The following SMURF1 variants were observed in gnomAD, a reference collection of about 807,000 sequenced individuals.
The protein encoded by SMURF1 is E3 ubiquitin-protein ligase SMURF1.
Under a neutral mutation model 98.0 loss-of-function variants are expected in SMURF1, and 44 were observed. The ratio of observed to expected loss-of-function variants is 0.45; its 90% CI spans 0.35 to 0.58. The LOEUF is 0.58. SMURF1 is among the 20% of genes least tolerant of loss of function. The probability of loss-of-function intolerance (pLI) is 0.00; values close to 1 mark genes in which losing one functional copy is unlikely to be tolerated. For missense variants in SMURF1, 687 were observed against 938.4 expected, an observed-to-expected ratio of 0.73 and a Z score of 3.50; for synonymous variants, 396 against 374.9, an observed-to-expected ratio of 1.06 and a Z score of -0.65.
At chr7:99,052,656 G>C (rs1795788171) in intron 6 of SMURF1, among the ~76,000 whole-genome samples, 1 of 152,216 alleles carries the variant, frequency 6.6e-6, no homozygotes, top group African/African-American at 2.4e-5. Flanking sequence ...CAGGTGGCCG[G>C]AGTGTCCCCA....
chr7:99,088,605 G>A (rs1796734402), intron 1 of SMURF1, among the ~76,000 whole-genome samples: 1 of 152,014 alleles, frequency 6.6e-6, no homozygotes, highest in African/African-American at 2.4e-5. Context: ...CACTGACACA[G>A]AGAATCAAAT....
chr7:99,142,173 G>T (rs73147632), intron 1 of SMURF1, among the ~76,000 whole-genome samples: 6,707 of 152,246 alleles, frequency 0.044, 180 homozygotes, highest in Middle Eastern at 0.068. Context: ...AGAGCGTTGC[G>T]CTCACCCTTG....
rs1004857472 is a variant in SMURF1, at chr7:99,027,538, C to G, written c.*3046G>C. On this transcript the variant is annotated 3_prime_UTR_variant, in exon 18 of 18. Transcript: ENST00000361368. ...GTTTGTTTTGTGTTTCCAGCTGGTTCCATAACCACATTAAATAGAACTAGT... is the reference window on the plus strand; with the variant it reads ...GTTTGTTTTGTGTTTCCAGCTGGTTGCATAACCACATTAAATAGAACTAGT... 9.2e-5 allele frequency: 14 copies of G among 152,572 alleles called. No individual in the cohort carries two copies. Among genetic ancestry groups the G allele is most frequent in the African/African-American group, 2.9e-4 (12 of 41,416 alleles). 9.5% of individuals were successfully genotyped at this position (152,572 alleles called of 1,614,324 possible). A position where few individuals can be genotyped will look rare whatever the true frequency, so the allele number is the denominator to read the frequency against.
intron 10 of SMURF1, 29 bp downstream of exon 10, chr7:99,047,655 G>C: frequency 6.2e-7 from 1 of 1,611,150 alleles, no homozygotes; most frequent in Non-Finnish European, 8.5e-7. Flanking sequence ...TTCTGAACAG[G>C]GTCTGGGCAG....
At chr7:99,131,939 G>A (rs889353356) in intron 1 of SMURF1, among the ~76,000 whole-genome samples, 1 of 152,092 alleles carries the variant, frequency 6.6e-6, no homozygotes, top group South Asian at 2.1e-4. Flanking sequence ...AGATGCAACC[G>A]CAAAGCTTGG....
intron 1 of SMURF1, among the ~76,000 whole-genome samples, chr7:99,127,397 G>T (rs1488499955): frequency 6.6e-6 from 1 of 152,052 alleles, no homozygotes; most frequent in Non-Finnish European, 1.5e-5. Flanking sequence ...GAATACCATG[G>T]TAAGAAAAGC....
chr7:99,143,092 C>A, intron 1 of SMURF1, among the ~76,000 whole-genome samples: 1 of 130,152 alleles, frequency 7.7e-6, no homozygotes, highest in Non-Finnish European at 1.6e-5. Context: ...CAGAGAGAAG[C>A]GAGGGAGCTG....
chr7:99,063,287 A>ATAAGATT (rs1796107626), intron 1 of SMURF1, among the ~76,000 whole-genome samples: 1 of 23,588 alleles, frequency 4.2e-5, no homozygotes, highest in Non-Finnish European at 1.1e-4. Flanking sequence ...ATATATATAT[A>ATAAGATT]TATATATATA....
At chr7:99,105,169 A>G (rs1797168149) in intron 1 of SMURF1, among the ~76,000 whole-genome samples, 1 of 152,230 alleles carries the variant, frequency 6.6e-6, no homozygotes, top group South Asian at 2.1e-4. Context: ...AACCTTCACA[A>G]TCTGCCACAT....
chr7:99,077,425 C>T (rs1036730970), intron 1 of SMURF1, among the ~76,000 whole-genome samples: 4 of 151,512 alleles, frequency 2.6e-5, no homozygotes, highest in East Asian at 1.9e-4. Context: ...CTCTGCCTCC[C>T]GGGTTCAAGT....
intron 1 of SMURF1, among the ~76,000 whole-genome samples, chr7:99,126,348 C>CTT (rs765375466): frequency 4.9e-5 from 7 of 142,708 alleles, no homozygotes; most frequent in African/African-American, 1.8e-4. Flanking sequence ...GCATATATTC[C>CTT]TTTTTTTTTT....
Position 99,052,317 on chromosome 7 carries a change from T to A in SMURF1, c.609A>T (p.Gln203His). ...GCCGCTGTGCCTGAAGTCTTTGATC[T>A]TGACTTGGGGACTCCACGAACCTGC... is the stretch of plus-strand genomic sequence containing the variant. Reference protein sequence around the residue: ...GNCRFVESPSQDQRLQAQRLR... With the variant: ...GNCRFVESPSHDQRLQAQRLR... The change falls in exon 7 of 18, where the codon CAA becomes CAT. Residue 203 changes from glutamine to histidine, a missense_variant. By Grantham distance (24) the Gln-to-His change is conservative. This residue lies in a region of SMURF1 where 415 missense variants were observed against 508.4 expected (regional missense o/e 0.82). Transcript: ENST00000361368. The A allele has an allele frequency of 6.2e-7, 1 of 1,613,048 alleles. No homozygotes were observed. The highest frequency in any genetic ancestry group is 8.5e-7 in the Non-Finnish European group (1 of 1,179,550).
chr7:99,090,389 C>T (rs966690387), intron 1 of SMURF1, among the ~76,000 whole-genome samples: 2 of 152,188 alleles, frequency 1.3e-5, no homozygotes, highest in Admixed American at 6.5e-5. Flanking sequence ...CTGCTTACAG[C>T]GATAGCAGGG....
intron 1 of SMURF1, among the ~76,000 whole-genome samples, chr7:99,115,738 T>C (rs1022967815): frequency 2.6e-5 from 4 of 152,138 alleles, no homozygotes; most frequent in Non-Finnish European, 4.4e-5. Flanking sequence ...AAATTAAAAA[T>C]TTTTTAAAGA....
At chr7:99,035,322 G>T (rs554246091) in intron 16 of SMURF1, 193 bp downstream of exon 16, 10 of 707,464 alleles carry the variant, frequency 1.4e-5, no homozygotes, top group Non-Finnish European at 2.3e-5. Context: ...GCTCAGCGGG[G>T]CCCCACACCT....
intron 1 of SMURF1, among the ~76,000 whole-genome samples, chr7:99,063,235 A>ATT (rs1796081223): frequency 9.6e-4 from 18 of 18,712 alleles, no homozygotes; most frequent in Non-Finnish European, 1.9e-3. Flanking sequence ...TATATATAAG[A>ATT]TTTATTTATA....
rs148467901 is a variant in SMURF1, at chr7:99,126,201, T to A, written c.55+17525A>T. On this transcript the variant is annotated intron_variant, in intron 1 of 17. Coordinates refer to ENST00000361368, the MANE Select transcript of SMURF1 (RefSeq NM_181349.3). ...ATGAGAACAGCGAGCATGTATGGCGTTGGTATTTATCTTCCTTTAGAATGA... is the reference window on the plus strand; with the variant it reads ...ATGAGAACAGCGAGCATGTATGGCGATGGTATTTATCTTCCTTTAGAATGA... Among the ~76,000 whole-genome samples, 320 of 152,304 alleles carry A rather than the reference T, an allele frequency of 2.1e-3. 1 individual carries two copies. The highest frequency in any genetic ancestry group is 7.3e-3 in the African/African-American group (304 of 41,562).
chr7:99,101,864 G>A (rs983477785), intron 1 of SMURF1, among the ~76,000 whole-genome samples: 3 of 151,808 alleles, frequency 2.0e-5, no homozygotes, highest in Admixed American at 6.6e-5. Context: ...GAACAGGGAG[G>A]CGGAGGTTGC....
At chr7:99,101,476 T>C (rs974608461) in intron 1 of SMURF1, among the ~76,000 whole-genome samples, 2 of 151,626 alleles carry the variant, frequency 1.3e-5, no homozygotes, top group African/African-American at 2.4e-5. Context: ...GGAGCAGAGA[T>C]TTAAACAGCA....
Sources: gnomAD v4.1 joint callset for allele counts (sites outside exome capture counted in the v4.1 genomes callset) on GRCh38, gnomAD v4.1.1 for gene constraint, gnomAD v4.1.1 regional missense constraint, MANE v1.5 for transcripts, NCBI Gene and HGNC (gene_info 2026-07-23, HGNC 2026-07-21) for gene names.